Variants in SP140L observed in about 807,000 individuals in gnomAD.
SP140L encodes nuclear body protein SP140-like protein.
A neutral mutation model predicts 84.3 loss-of-function variants in SP140L; 64 were observed. That is an observed-to-expected ratio of 0.76 (90% confidence interval 0.62 to 0.94). The LOEUF (loss-of-function observed/expected upper bound fraction) is 0.94, where lower values mean the gene tolerates loss of function less well. Ranked by LOEUF, SP140L falls within the 40% of genes least tolerant of loss-of-function variation. The pLI is 0.00. For missense variants in SP140L, 628 were observed against 692.5 expected (o/e 0.91, Z 1.05); for synonymous variants, 242 against 236.9 (o/e 1.02, Z -0.20).
At chr2:230,394,194 T>C (rs568441840) in intron 13 of SP140L, among the ~76,000 whole-genome samples, 81 of 152,228 alleles carry the variant, frequency 5.3e-4, no homozygotes, top group Non-Finnish European at 9.1e-4. Context: ...CTGCTTTTTA[T>C]CTGTGAAAGT....
At chr2:230,397,442 T>C (rs939861941) in intron 14 of SP140L, among the ~76,000 whole-genome samples, 2 of 152,190 alleles carry the variant, frequency 1.3e-5, no homozygotes, top group Non-Finnish European at 2.9e-5. Context: ...TCCTGAGGCA[T>C]TTTAACTCAA....
chr2:230,342,493 C>G (rs13421864), intron 2 of SP140L, among the ~76,000 whole-genome samples: 13,748 of 152,280 alleles, frequency 0.09, 1,082 homozygotes, highest in African/African-American at 0.2. Flanking sequence ...GGAGCTGTTC[C>G]TATTCGGCCA....
chr2:230,359,214 G>A (rs187850897), intron 4 of SP140L, 82 bp downstream of exon 4: 34 of 1,235,262 alleles, frequency 2.8e-5, no homozygotes, highest in African/African-American at 1.4e-4. Context: ...TACCATGTGC[G>A]ATACATTGTG....
intron 4 of SP140L, among the ~76,000 whole-genome samples, chr2:230,359,393 G>A (rs1413905824): frequency 6.6e-6 from 1 of 152,160 alleles, no homozygotes; most frequent in African/African-American, 2.4e-5. Context: ...TAGAAGATAA[G>A]AAACACAGAA....
rs1559396996 is a variant in SP140L, at chr2:230,328,760, GC to G, written c.37del (p.Leu13Ter). ...GGGSDLSTRG[L>X]NGGVSQVANE... ...TCCTGCCAAATTGTCTTTTTAGGGG[GC>G]TGAACGGAGGTGTTTCACAAGTAGC... On this transcript the variant is annotated frameshift_variant, in exon 2 of 19. Coordinates refer to ENST00000415673, the MANE Select transcript of SP140L (RefSeq NM_138402.6). LOFTEE classifies it high-confidence loss of function. 1 of 1,612,146 alleles carries G rather than the reference GC, an allele frequency of 6.2e-7. No homozygotes were observed. Among genetic ancestry groups the G allele is most frequent in the East Asian group, 2.2e-5 (1 of 44,828 alleles).
intron 5 of SP140L, among the ~76,000 whole-genome samples, chr2:230,366,745 ATTT>A (rs2060889339): frequency 7.0e-6 from 1 of 143,522 alleles, no homozygotes; most frequent in Non-Finnish European, 1.5e-5. Context: ...TATTATTATT[ATTT>A]TTGGAGACAG....
At chr2:230,371,017 G>A in intron 6 of SP140L, 50 bp downstream of exon 6, 1 of 1,545,702 alleles carries the variant, frequency 6.5e-7, no homozygotes, top group Non-Finnish European at 8.9e-7. Flanking sequence ...GGGCCCCACA[G>A]ACCCTGGGAA....
intron 2 of SP140L, among the ~76,000 whole-genome samples, chr2:230,330,139 T>C (rs2059687651): frequency 6.6e-6 from 1 of 152,230 alleles, no homozygotes; most frequent in African/African-American, 2.4e-5. Flanking sequence ...ATTTGCTCTG[T>C]TGTAATCTGG....
Position 230,361,745 on chromosome 2 carries a change from G to A in SP140L, c.523+48G>A, listed in dbSNP as rs1362791038. 1.1e-5 allele frequency: 16 copies of A among 1,416,906 alleles called. No homozygotes were observed. The East Asian group carries it at 4.0e-4, about 35-fold the overall frequency. 87.8% of individuals were successfully genotyped at this position (1,416,906 alleles called of 1,614,324 possible). On this transcript the variant is annotated intron_variant, in intron 5 of 18. Transcript: ENST00000415673. The stretch of plus-strand genomic sequence containing the variant: ...GGTTTCTCATCCGCTAAGAGGAAAA[G>A]GAGACAAGGGAGGTGAGGGCCCAAG...
rs552564213 is a variant in SP140L at position 230,373,942 on chromosome 2, A to G, written c.637+2291A>G. 2.0e-5 allele frequency among the ~76,000 whole-genome samples: 3 copies of G among 152,340 alleles called. No individual in the cohort carries two copies. In the East Asian group the frequency reaches 5.8e-4, roughly 29 times the overall value. The stretch of plus-strand genomic sequence containing the variant: ...CAGGAATTTGGAAGAAGTTGATTAC[A>G]ACCCTTATTGATGACTTTGATGGGT... On this transcript the variant is annotated intron_variant, in intron 7 of 18. Coordinates refer to ENST00000415673, the MANE Select transcript of SP140L (RefSeq NM_138402.6).
chr2:230,337,335 C>G (rs151087816), intron 2 of SP140L, among the ~76,000 whole-genome samples: 11 of 151,994 alleles, frequency 7.2e-5, no homozygotes, highest in Admixed American at 2.6e-4. Context: ...ACTTTTTGAT[C>G]GGGTTGTTTG....
intron 8 of SP140L, among the ~76,000 whole-genome samples, chr2:230,383,986 T>G (rs1230082369): frequency 6.6e-6 from 1 of 152,164 alleles, no homozygotes; most frequent in African/African-American, 2.4e-5. Context: ...TGAAAGTATG[T>G]TTTTATGTAT....
intron 14 of SP140L, 29 bp downstream of exon 14, chr2:230,396,827 C>G (rs369903414): frequency 6.2e-7 from 1 of 1,611,428 alleles, no homozygotes; most frequent in African/African-American, 1.3e-5. Flanking sequence ...CTACAACCCC[C>G]AGAATATTCC....
At chr2:230,387,452 G>T (rs1413344333) in intron 9 of SP140L, among the ~76,000 whole-genome samples, 2 of 152,318 alleles carry the variant, frequency 1.3e-5, no homozygotes, top group East Asian at 3.9e-4. Context: ...CTAAAGACCA[G>T]AAAGTGGAAT....
At chr2:230,388,143 T>C (rs1258241479) in intron 9 of SP140L, among the ~76,000 whole-genome samples, 2 of 152,210 alleles carry the variant, frequency 1.3e-5, no homozygotes, top group African/African-American at 4.8e-5. Flanking sequence ...GTAATGACAG[T>C]AATCATCATT....
In SP140L at chr2:230,390,032, CAT is replaced by C. The variant is rs1463609303; in HGVS notation, c.964+11_964+12del. The C allele has an allele frequency of 2.5e-6, 4 of 1,607,522 alleles. No homozygotes were observed. Among genetic ancestry groups the C allele is most frequent in the Non-Finnish European group, 3.4e-6 (4 of 1,175,880 alleles). ...GGAGAAATTGGAACAAGGTGGGTTTCATAGTCTTCTTTAATTTGCAGCTCCTA... is the reference window on the plus strand; with the variant it reads ...GGAGAAATTGGAACAAGGTGGGTTTCAGTCTTCTTTAATTTGCAGCTCCTA... On this transcript the variant is annotated intron_variant, in intron 11 of 18. Coordinates refer to ENST00000415673, the MANE Select transcript of SP140L (RefSeq NM_138402.6).
rs747733564 is a variant in SP140L, at chr2:230,386,468, A to T, written c.784+1164A>T. Among the ~76,000 whole-genome samples the T allele has an allele frequency of 1.3e-4, 20 of 152,208 alleles. 1 individual carries two copies. The highest frequency in any genetic ancestry group is 6.2e-4 in the South Asian group (3 of 4,836). ...CTAGAGGTTAATACCAACCATAACA[A>T]TTATTTTAAAACAACTTTAAATTAT... On this transcript the variant is annotated intron_variant, in intron 9 of 18. Coordinates refer to ENST00000415673, the MANE Select transcript of SP140L (RefSeq NM_138402.6).
At chr2:230,391,440 T>C (rs951943472) in intron 11 of SP140L, among the ~76,000 whole-genome samples, 2 of 152,240 alleles carry the variant, frequency 1.3e-5, no homozygotes, top group Non-Finnish European at 1.5e-5. Flanking sequence ...TATCTCATTG[T>C]GGTTTTGCTT....
intron 11 of SP140L, among the ~76,000 whole-genome samples, 173 bp downstream of exon 11, chr2:230,390,196 C>T (rs904067555): frequency 1.3e-4 from 20 of 152,144 alleles, no homozygotes; most frequent in African/African-American, 4.8e-4. Flanking sequence ...GAAATCACAC[C>T]CATTAGACGC....
Sources: allele counts gnomAD v4.1 joint callset (sites outside exome capture counted in the v4.1 genomes callset), GRCh38; gene constraint gnomAD v4.1.1; transcripts MANE v1.5; gene names NCBI Gene and HGNC (gene_info 2026-07-23, HGNC 2026-07-21).